Variants in DNAH3 observed in about 807,000 individuals in gnomAD.
DNAH3 encodes the protein dynein axonemal heavy chain 3.
In DNAH3, 332 loss-of-function variants were observed where a neutral mutation model predicts 432.5. The observed-to-expected ratio is 0.77, with a 90% CI of 0.70 to 0.84. The LOEUF (loss-of-function observed/expected upper bound fraction) is 0.84. Ranked by LOEUF, DNAH3 falls within the 40% of genes least tolerant of loss-of-function variation. The probability of loss-of-function intolerance (pLI) is 0.00; values close to 1 mark genes in which losing one functional copy is unlikely to be tolerated. For missense variants in DNAH3, 4,861 were observed against 5,114.0 expected (o/e 0.95, Z 1.51); for synonymous variants, 1,956 against 1,900.2 (o/e 1.03, Z -0.76).
chr16:21,136,412 C>G (rs370819749), exon 6 of DNAH3: 1 of 1,614,108 alleles, frequency 6.2e-7, no homozygotes, highest in African/African-American at 1.3e-5. Context: ...GACTCGTCAG[C>G]AGCGTGTTAG....
chr16:21,111,348 TCTC>T (rs2092065926), intron 14 of DNAH3, among the ~76,000 whole-genome samples: 1 of 152,086 alleles, frequency 6.6e-6, no homozygotes, highest in East Asian at 1.9e-4. Flanking sequence ...CAGTTTGCAT[TCTC>T]CTGAATTTGC....
chr16:21,156,715 C>A (rs1326095216), intron 1 of DNAH3, among the ~76,000 whole-genome samples: 2 of 152,028 alleles, frequency 1.3e-5, no homozygotes, highest in South Asian at 4.2e-4. Context: ...TTAACCCAAC[C>A]ACTGCATGTT....
chr16:21,137,457 T>C (rs1479683276), intron 5 of DNAH3, among the ~76,000 whole-genome samples: 1 of 151,528 alleles, frequency 6.6e-6, no homozygotes, highest in African/African-American at 2.4e-5. Context: ...AATTTCACTT[T>C]TGTCGCTCAG....
chr16:21,115,761 T>A (rs201070934), intron 12 of DNAH3, among the ~76,000 whole-genome samples: 62 of 149,700 alleles, frequency 4.1e-4, no homozygotes, highest in East Asian at 9.8e-4. Flanking sequence ...TAAAATAAAA[T>A]AAATAAAATA....
Position 21,127,830 on chromosome 16 carries a change from G to A in DNAH3, c.1083-18C>T. 5 of 1,613,654 alleles carry A rather than the reference G, an allele frequency of 3.1e-6. No homozygotes were observed. The highest frequency in any genetic ancestry group is 3.4e-6 in the Non-Finnish European group (4 of 1,179,704). ...CTCTGAATCTGCCAAAAGAGAGGGA[G>A]AAATTTCCTAAGCTAAAGAACGCTT... On this transcript the variant is annotated intron_variant, in intron 7 of 61. Coordinates refer to ENST00000261383, the Ensembl canonical transcript of DNAH3.
chr16:21,136,598 C>G, intron 5 of DNAH3, 85 bp from the exon 7 acceptor site: 1 of 1,235,472 alleles, frequency 8.1e-7, no homozygotes, highest in South Asian at 1.2e-5. Flanking sequence ...CCAAGGGACC[C>G]CATTCATACA....
At chr16:21,133,292 G>A (rs976824048) in intron 7 of DNAH3, among the ~76,000 whole-genome samples, 3 of 150,864 alleles carry the variant, frequency 2.0e-5, no homozygotes, top group African/African-American at 7.3e-5. Flanking sequence ...CAGCTTGGGA[G>A]GAGGAGGTTG....
chr16:20,995,980 C>T (rs1031713925), intron 44 of DNAH3, among the ~76,000 whole-genome samples: 5 of 152,262 alleles, frequency 3.3e-5, no homozygotes, highest in African/African-American at 9.6e-5. Context: ...CAGATAATTG[C>T]ACGTCTTGCA....
intron 41 of DNAH3, among the ~76,000 whole-genome samples, chr16:21,011,833 G>T (rs1355850161): frequency 1.3e-5 from 2 of 152,146 alleles, no homozygotes; most frequent in Non-Finnish European, 2.9e-5. Context: ...TGCCCTAAGA[G>T]ATGATGATGA....
chr16:20,989,649 T>C (rs1383454927), intron 44 of DNAH3, among the ~76,000 whole-genome samples: 3 of 152,236 alleles, frequency 2.0e-5, no homozygotes, highest in Non-Finnish European at 4.4e-5. Context: ...CTCGCACTCC[T>C]CAGCCTTTGG....
At chr16:21,083,002 T>A (rs930050077) in intron 19 of DNAH3, among the ~76,000 whole-genome samples, 19 of 149,936 alleles carry the variant, frequency 1.3e-4, no homozygotes, top group African/African-American at 2.2e-4. Context: ...TATTATTTTT[T>A]AAATTTTTCT....
intron 44 of DNAH3, among the ~76,000 whole-genome samples, chr16:20,994,906 AT>A (rs1436200109): frequency 6.6e-6 from 1 of 151,346 alleles, no homozygotes; most frequent in African/African-American, 2.4e-5. Context: ...TGCCGTGTTT[AT>A]TCTTTCTTGT....
intron 38 of DNAH3, among the ~76,000 whole-genome samples, 174 bp from the exon 39 acceptor site, chr16:21,024,875 AT>A (rs1469327106): frequency 6.6e-6 from 1 of 152,054 alleles, no homozygotes; most frequent in Non-Finnish European, 1.5e-5. Flanking sequence ...CTGCCCCTTG[AT>A]TTCTTTCCTT....
chr16:20,987,990 G>A, exon 45 of DNAH3: 3 of 1,614,006 alleles, frequency 1.9e-6, no homozygotes, highest in South Asian at 1.1e-5. Flanking sequence ...GTCAACAATC[G>A]AACTGAAAAT....
rs1299808395 is a variant in DNAH3, at chr16:21,125,751, T to A, written c.1209-381A>T. On this transcript the variant is annotated intron_variant, in intron 8 of 61. Coordinates refer to ENST00000261383, the Ensembl canonical transcript of DNAH3. ...TGCCTGGTCTCTGATTCAAACTTCATAGGGGGAAAGAGAGAATGAGGAGCA... is the reference window on the plus strand; with the variant it reads ...TGCCTGGTCTCTGATTCAAACTTCAAAGGGGGAAAGAGAGAATGAGGAGCA... Among the ~76,000 whole-genome samples the A allele has an allele frequency of 5.3e-5, 8 of 152,148 alleles. No individual in the cohort carries two copies. The East Asian group carries it at 1.5e-3, about 29-fold the overall frequency.
At chr16:20,941,198 T>C (rs991131870) in intron 59 of DNAH3, among the ~76,000 whole-genome samples, 3 of 152,182 alleles carry the variant, frequency 2.0e-5, no homozygotes, top group Non-Finnish European at 4.4e-5. Context: ...CATGAATGAA[T>C]GGGAATGAAT....
At chr16:21,129,995 C>G (rs2092523982) in intron 7 of DNAH3, 1 of 150,240 alleles carries the variant, frequency 6.7e-6, no homozygotes, top group Non-Finnish European at 1.5e-5. Context: ...AATGAACTCA[C>G]TTCTGTTCTC....
At chr16:21,141,870 G>A (rs2092723533) in intron 3 of DNAH3, among the ~76,000 whole-genome samples, 1 of 151,920 alleles carries the variant, frequency 6.6e-6, no homozygotes, top group Non-Finnish European at 1.5e-5. Flanking sequence ...GGCCAACATG[G>A]CGAAACCCCA....
chr16:21,106,608 CA>C lies in DNAH3; in HGVS notation c.2165del (p.Leu722ArgfsTer8). 1 of 1,610,118 alleles carries C rather than the reference CA, an allele frequency of 6.2e-7. No individual in the cohort carries two copies. Among genetic ancestry groups the C allele is most frequent in the African/African-American group, 1.3e-5 (1 of 74,902 alleles). On this transcript the variant is annotated frameshift_variant, in exon 15 of 62. Coordinates refer to ENST00000261383, the Ensembl canonical transcript of DNAH3. LOFTEE classifies it high-confidence loss of function. Reference sequence around the variant, plus strand: ...TCTTTAGGAATTCAATGAGGGATACCAGCTCCTTAGTGTTGGCAGGAACCTC... The same window carrying C: ...TCTTTAGGAATTCAATGAGGGATACCGCTCCTTAGTGTTGGCAGGAACCTC...
Sources: allele counts gnomAD v4.1 joint callset (sites outside exome capture counted in the v4.1 genomes callset), GRCh38; gene constraint gnomAD v4.1.1; transcripts MANE v1.5; gene names NCBI Gene and HGNC (gene_info 2026-07-23, HGNC 2026-07-21).